Variants in CRPPA observed in about 807,000 individuals in gnomAD.
CRPPA encodes the protein D-ribitol-5-phosphate cytidylyltransferase.
CRPPA carries 43 observed loss-of-function variants against 52.0 expected under a neutral mutation model. The observed-to-expected ratio is 0.83, with a 90% CI of 0.65 to 1.07. CRPPA has a LOEUF of 1.07. Ranked by LOEUF, CRPPA falls within the 50% of genes least tolerant of loss-of-function variation. CRPPA has a pLI of 0.00. For missense variants in CRPPA, 629 were observed against 551.7 expected (o/e 1.14, Z -1.40); for synonymous variants, 250 against 203.5 (o/e 1.23, Z -1.94).
chr7:16,348,344 C>A (rs1786065936), intron 3 of CRPPA, among the ~76,000 whole-genome samples: 2 of 152,128 alleles, frequency 1.3e-5, no homozygotes, highest in South Asian at 4.1e-4. Context: ...AAAAAAGCAG[C>A]AATTTTATAC....
intron 8 of CRPPA, 28 bp downstream of exon 8, chr7:16,258,362 G>T: frequency 7.2e-7 from 1 of 1,390,934 alleles, no homozygotes; most frequent in South Asian, 1.2e-5. Flanking sequence ...GCATAAGTTT[G>T]AGAAAAATCT....
chr7:16,336,909 A>G (rs183628875), intron 3 of CRPPA, among the ~76,000 whole-genome samples: 1 of 152,274 alleles, frequency 6.6e-6, no homozygotes, highest in East Asian at 1.9e-4. Context: ...CTATATTAAT[A>G]AAGAGGTTAA....
intron 2 of CRPPA, among the ~76,000 whole-genome samples, chr7:16,396,101 C>A (rs1241025725): frequency 1.3e-5 from 2 of 152,088 alleles, no homozygotes; most frequent in South Asian, 4.1e-4. Flanking sequence ...AGGATTTAAA[C>A]AAGTATCAAA....
chr7:16,411,297 T>G (rs537113472), intron 1 of CRPPA, among the ~76,000 whole-genome samples: 2 of 152,284 alleles, frequency 1.3e-5, no homozygotes, highest in African/African-American at 4.8e-5. Flanking sequence ...AGTCTGACTC[T>G]GGGGCCTATA....
chr7:16,288,784 T>G (rs1784498706), intron 5 of CRPPA, among the ~76,000 whole-genome samples: 1 of 131,362 alleles, frequency 7.6e-6, no homozygotes, highest in Non-Finnish European at 1.5e-5. Context: ...AAGAGGAGGT[T>G]ACAGTGAGCT....
intron 5 of CRPPA, among the ~76,000 whole-genome samples, chr7:16,279,952 G>C (rs147482179): frequency 0.012 from 1,868 of 152,322 alleles, 49 homozygotes; most frequent in African/African-American, 0.043. Context: ...ATGGCAGAAG[G>C]TGAAAGGCAC....
At chr7:16,119,302 TG>T (rs1158349742) in intron 9 of CRPPA, among the ~76,000 whole-genome samples, 1 of 151,936 alleles carries the variant, frequency 6.6e-6, no homozygotes, top group Non-Finnish European at 1.5e-5. Flanking sequence ...TCATAGAAAG[TG>T]GGTGCTGAAT....
intron 9 of CRPPA, among the ~76,000 whole-genome samples, chr7:16,193,870 C>T (rs1781668665): frequency 6.6e-6 from 1 of 152,038 alleles, no homozygotes; most frequent in Admixed American, 6.6e-5. Context: ...TTTACTTAGG[C>T]AGGATGATTT....
intron 8 of CRPPA, among the ~76,000 whole-genome samples, chr7:16,223,485 T>C (rs1344485955): frequency 6.6e-6 from 1 of 152,214 alleles, no homozygotes; most frequent in Non-Finnish European, 1.5e-5. Context: ...AAGAAGTAGA[T>C]GCATCTCAAA....
At chr7:16,093,591 T>A (rs537463106) in intron 9 of CRPPA, among the ~76,000 whole-genome samples, 23 of 152,250 alleles carry the variant, frequency 1.5e-4, no homozygotes, top group African/African-American at 5.3e-4. Flanking sequence ...AAAGCGGGTT[T>A]TATACGACAT....
intron 9 of CRPPA, among the ~76,000 whole-genome samples, chr7:16,183,602 A>G (rs1781451841): frequency 6.6e-6 from 1 of 152,186 alleles, no homozygotes; most frequent in Non-Finnish European, 1.5e-5. Context: ...GAGTTGCTTT[A>G]GAGTCCTTCT....
At chr7:16,263,492 C>T (rs1312852656) in intron 6 of CRPPA, among the ~76,000 whole-genome samples, 1 of 152,200 alleles carries the variant, frequency 6.6e-6, no homozygotes, top group East Asian at 1.9e-4. Context: ...TGGCTCACGC[C>T]TGTCATCCCA....
intron 5 of CRPPA, among the ~76,000 whole-genome samples, chr7:16,282,148 CT>C (rs1203177146): frequency 1.3e-5 from 2 of 151,932 alleles, no homozygotes; most frequent in Non-Finnish European, 1.5e-5. Context: ...GACTCTCTTC[CT>C]TTTTTCTATT....
chr7:16,287,576 G>A (rs1017652467), intron 5 of CRPPA, among the ~76,000 whole-genome samples: 2 of 152,066 alleles, frequency 1.3e-5, no homozygotes, highest in African/African-American at 4.8e-5. Context: ...TTAGGGAGAT[G>A]ATTAAACTAA....
At chr7:16,138,468 T>C (rs1782802947) in intron 9 of CRPPA, among the ~76,000 whole-genome samples, 1 of 152,152 alleles carries the variant, frequency 6.6e-6, no homozygotes, top group African/African-American at 2.4e-5. Context: ...TAAGTGAACA[T>C]GAGAGGATAT....
At chr7:16,259,116 GACC>G in intron 6 of CRPPA, 104 bp from the exon 7 acceptor site, 1 of 620,322 alleles carries the variant, frequency 1.6e-6, no homozygotes. Context: ...TAAAGCCAAG[GACC>G]ATATATTTTT....
intron 2 of CRPPA, among the ~76,000 whole-genome samples, chr7:16,398,431 G>C (rs529775323): frequency 1.3e-5 from 2 of 151,966 alleles, no homozygotes; most frequent in Non-Finnish European, 2.9e-5. Flanking sequence ...CATGATTGAC[G>C]TGACCGAGGT....
chr7:16,398,335 T>G (rs1787674776), intron 2 of CRPPA, among the ~76,000 whole-genome samples: 1 of 149,532 alleles, frequency 6.7e-6, no homozygotes, highest in Non-Finnish European at 1.5e-5. Context: ...GATCAATACG[T>G]TATCAACACG....
At chr7:16,299,006 G>A (rs865985005) in intron 5 of CRPPA, among the ~76,000 whole-genome samples, 4 of 152,150 alleles carry the variant, frequency 2.6e-5, no homozygotes, top group African/African-American at 9.7e-5. Flanking sequence ...GCAGATCGTG[G>A]GACTTAGCCT....
Sources: allele counts gnomAD v4.1 joint callset (sites outside exome capture counted in the v4.1 genomes callset), GRCh38; gene constraint gnomAD v4.1.1; transcripts MANE v1.5; gene names NCBI Gene and HGNC (gene_info 2026-07-23, HGNC 2026-07-21).